Variants in EDRF1 observed in about 807,000 individuals in gnomAD.
EDRF1 encodes erythroid differentiation-related factor 1.
In EDRF1, 69 loss-of-function variants were observed where a neutral mutation model predicts 148.7. The ratio of observed to expected loss-of-function variants is 0.46; its 90% confidence interval spans 0.38 to 0.57. The LOEUF (loss-of-function observed/expected upper bound fraction) is 0.57. EDRF1 is among the 20% of genes least tolerant of loss of function. EDRF1 has a pLI of 0.00. For synonymous variants in EDRF1, 515 were observed against 532.8 expected, an observed-to-expected ratio of 0.97 and a Z score of 0.46; for missense variants, 1,118 against 1,478.7, an observed-to-expected ratio of 0.76 and a Z score of 4.00.
At chr10:125,761,085 T>A (rs1850169035) in intron 24 of EDRF1, 2 of 236,272 alleles carry the variant, frequency 8.5e-6, no homozygotes, top group African/African-American at 2.3e-5. Context: ...ATTTTTTGAC[T>A]ACTGCTTTTT....
chr10:125,726,291 A>G lies in EDRF1; in HGVS notation c.792+453A>G, dbSNP rs1589821679. On this transcript the variant is annotated intron_variant, in intron 6 of 24. Transcript: ENST00000356792. ...TAATTTAAGTTCTAACCTTTTTACC[A>G]TAACTTTCAGTCAGATTGTTAGACC... Among the ~76,000 whole-genome samples, 4 of 152,318 alleles carry G rather than the reference A, an allele frequency of 2.6e-5. No homozygotes were observed. In the South Asian group the frequency reaches 6.2e-4, roughly 24 times the overall value.
intron 23 of EDRF1, 58 bp downstream of exon 23, chr10:125,752,972 G>A: frequency 8.3e-7 from 1 of 1,206,420 alleles, no homozygotes; most frequent in Non-Finnish European, 1.2e-6. Flanking sequence ...CATGGTGAAT[G>A]TATATAGTGG....
chr10:125,763,100 T>C lies in EDRF1; in HGVS notation c.3546-201T>C, dbSNP rs1356209900. ...TAAAAGGAATGAGTACTGGATTTCA[T>C]TGATGTATTGAAATAAATGTGTAGA... On this transcript the variant is annotated intron_variant, in intron 24 of 24. Transcript: ENST00000356792. This position sits in a 1 kb window ranked among gnomAD's most constrained non-coding sequence, Gnocchi z 4.3. Among the ~76,000 whole-genome samples, 4 of 152,172 alleles carry C rather than the reference T, an allele frequency of 2.6e-5. No individual in the cohort carries two copies. The highest frequency in any genetic ancestry group is 9.7e-5 in the African/African-American group (4 of 41,418).
chr10:125,729,171 C>CT, intron 7 of EDRF1, 67 bp downstream of exon 7: 1 of 1,495,776 alleles, frequency 6.7e-7, no homozygotes, highest in East Asian at 2.4e-5. Flanking sequence ...CAAAACTAGC[C>CT]TAAGTCGAAA....
intron 6 of EDRF1, among the ~76,000 whole-genome samples, chr10:125,726,184 A>G (rs1278310718): frequency 3.3e-5 from 5 of 152,236 alleles, no homozygotes; most frequent in South Asian, 4.1e-4. Flanking sequence ...ATTTTTAACT[A>G]TAAATACTAT....
chr10:125,740,620 A>G lies in EDRF1; in HGVS notation c.2139A>G (p.Leu713=). 6.2e-7 allele frequency: 1 copy of G among 1,614,008 alleles called. No homozygotes were observed. Among genetic ancestry groups the G allele is most frequent in the East Asian group, 2.2e-5 (1 of 44,874 alleles). Residue 713 remains leucine (L), a synonymous_variant, in exon 16 of 25, where the codon TTA becomes TTG. Coordinates refer to ENST00000356792, the MANE Select transcript of EDRF1 (RefSeq NM_001202438.2). ...GTCTTCAGAAATACGGAAGAGCATT[A>G]CGATACATTAAATTAGCTTTGCAAA... ...AMSLQKYGRA[L]RYIKLALQSH...
In EDRF1 at chr10:125,755,077, T is replaced by G. The variant is rs1426958256; in HGVS notation, c.3545+1232T>G. 2.0e-5 allele frequency among the ~76,000 whole-genome samples: 3 copies of G among 152,176 alleles called. No individual in the cohort carries two copies. In the East Asian group the frequency reaches 5.8e-4, roughly 29 times the overall value. On this transcript the variant is annotated intron_variant, in intron 24 of 24. Coordinates refer to ENST00000356792, the MANE Select transcript of EDRF1 (RefSeq NM_001202438.2). ...CAACCCTGCCCCTGCCCCCAATTCC[T>G]CAGGATCTCAGGGAGAAAGTTTTCA...
chr10:125,753,764 T>C lies in EDRF1; in HGVS notation c.3464T>C (p.Leu1155Pro), dbSNP rs757748064. Reference sequence around the variant, plus strand: ...CTCAATCGAGAAGAAGTGATGAAACTCCTCAGTATATTTGAGTCTCGGTTG... The same window carrying C: ...CTCAATCGAGAAGAAGTGATGAAACCCCTCAGTATATTTGAGTCTCGGTTG... ...PSLNREEVMKLLSIFESRLSF... is the reference protein window; with the variant it reads ...PSLNREEVMKPLSIFESRLSF... The change falls in exon 24 of 25, where the codon CTC becomes CCC. Residue 1155 changes from leucine (L) to proline (P), a missense_variant. Around this residue, in one of 3 missense-constraint regions of EDRF1, gnomAD observed 954 missense variants for 1,241.4 expected, o/e 0.77. Transcript: ENST00000356792. 6.2e-7 allele frequency: 1 copy of C among 1,614,076 alleles called. No individual in the cohort carries two copies. Among genetic ancestry groups the C allele is most frequent in the Non-Finnish European group, 8.5e-7 (1 of 1,180,008 alleles).
At chr10:125,734,680 G>A (rs542575314) in intron 12 of EDRF1, among the ~76,000 whole-genome samples, 5 of 152,148 alleles carry the variant, frequency 3.3e-5, no homozygotes, top group African/African-American at 1.2e-4. Context: ...GGATATTAAA[G>A]CATCTCTTAA....
intron 15 of EDRF1, among the ~76,000 whole-genome samples, chr10:125,738,737 G>A (rs1042740656): frequency 6.6e-5 from 10 of 152,168 alleles, no homozygotes; most frequent in Non-Finnish European, 1.5e-4. Context: ...AGGAGCCACA[G>A]ACTTAGCCAG....
chr10:125,735,996 A>T, intron 13 of EDRF1, 92 bp downstream of exon 13: 1 of 1,204,066 alleles, frequency 8.3e-7, no homozygotes, highest in South Asian at 1.4e-5. Flanking sequence ...CATTACTTCA[A>T]TAAACCTTTC....
In EDRF1 at chr10:125,743,205, T is replaced by G. The variant is rs1380896456; in HGVS notation, c.2519T>G (p.Met840Arg). ...CACTATGTACAAGTATTAAAGAGAATGGGTAACATTAGAAATGAAATTGGT... is the reference window on the plus strand; with the variant it reads ...CACTATGTACAAGTATTAAAGAGAAGGGGTAACATTAGAAATGAAATTGGT... ...PEHYVQVLKR[M>R]GNIRNEIGVF... The change falls in exon 18 of 25, where the codon ATG becomes AGG. Residue 840 changes from methionine to arginine, a missense_variant. Around this residue, in one of 3 missense-constraint regions of EDRF1, gnomAD observed 954 missense variants for 1,241.4 expected, o/e 0.77. Coordinates refer to ENST00000356792, the MANE Select transcript of EDRF1 (RefSeq NM_001202438.2). 2 of 1,613,756 alleles carry G rather than the reference T, an allele frequency of 1.2e-6. No individual in the cohort carries two copies.
At chr10:125,732,871 C>T (rs1362747057) in intron 9 of EDRF1, among the ~76,000 whole-genome samples, 1 of 152,016 alleles carries the variant, frequency 6.6e-6, no homozygotes, top group African/African-American at 2.4e-5. Flanking sequence ...CTCTTATTGC[C>T]ACCTCCATTC....
intron 12 of EDRF1, among the ~76,000 whole-genome samples, chr10:125,734,973 A>G (rs926620115): frequency 5.9e-5 from 9 of 152,226 alleles, no homozygotes; most frequent in African/African-American, 2.2e-4. Flanking sequence ...ATGTTTTTGA[A>G]GAAAAATAGT....
At chr10:125,726,886 T>C (rs1174099741) in intron 6 of EDRF1, among the ~76,000 whole-genome samples, 1 of 152,216 alleles carries the variant, frequency 6.6e-6, no homozygotes, top group East Asian at 1.9e-4. Context: ...ATTACCCATG[T>C]CACCCATCTC....
At position 125,763,285 on chromosome 10, in the gene EDRF1, T is replaced by A. The variant is rs934619738; in HGVS notation, c.3546-16T>A. The A allele has an allele frequency of 1.2e-6, 2 of 1,609,572 alleles. No homozygotes were observed. The highest frequency in any genetic ancestry group is 1.1e-5 in the South Asian group (1 of 91,080). On this transcript the variant is annotated splice_polypyrimidine_tract_variant and intron_variant, in intron 24 of 24. Coordinates refer to ENST00000356792, the MANE Select transcript of EDRF1 (RefSeq NM_001202438.2). This position sits in a 1 kb window ranked among gnomAD's most constrained non-coding sequence, Gnocchi z 4.3. ...TGCTGGTCCCTTACCTGTCTCTTTT[T>A]CTTTTTTAACCCTAGCAATAACATC...
chr10:125,721,089 G>A (rs1247486225), intron 1 of EDRF1, 115 bp from the exon 2 acceptor site: 2 of 948,024 alleles, frequency 2.1e-6, no homozygotes, highest in African/African-American at 1.6e-5. Flanking sequence ...TTAGTAACAT[G>A]TGGCATACGT....
intron 2 of EDRF1, 94 bp downstream of exon 2, chr10:125,721,506 T>C: frequency 1.7e-6 from 2 of 1,146,442 alleles, no homozygotes; most frequent in Non-Finnish European, 2.6e-6. Context: ...CCTATTAACT[T>C]GTCGAGATTT....
chr10:125,725,709 T>G lies in EDRF1; in HGVS notation c.663T>G (p.Pro221=). Residue 221 remains proline, a synonymous_variant, in exon 6 of 25, where the codon CCT becomes CCG. Transcript: ENST00000356792. ...TCAATGGTGATGGAGCCGCTCAGCCTGTCTCATCCACCGCAGAACAGCAGG... is the reference window on the plus strand; with the variant it reads ...TCAATGGTGATGGAGCCGCTCAGCCGGTCTCATCCACCGCAGAACAGCAGG... The part of the protein sequence containing the change: ...YSINGDGAAQ[P]VSSTAEQQES... 6.2e-7 allele frequency: 1 copy of G among 1,614,178 alleles called. No individual in the cohort carries two copies. The highest frequency in any genetic ancestry group is 8.5e-7 in the Non-Finnish European group (1 of 1,180,026).
Sources: gnomAD v4.1 joint callset for allele counts (sites outside exome capture counted in the v4.1 genomes callset) on GRCh38, gnomAD v4.1.1 for gene constraint, gnomAD v4.1.1 regional missense constraint, Gnocchi (gnomAD v3.1) non-coding constraint, MANE v1.5 for transcripts, NCBI Gene and HGNC (gene_info 2026-07-23, HGNC 2026-07-21) for gene names.